Variants in STX8 observed in about 807,000 individuals in gnomAD.
The protein encoded by STX8 is syntaxin-8.
Under a neutral mutation model 37.5 loss-of-function variants are expected in STX8, and 23 were observed. The ratio of observed to expected loss-of-function variants is 0.61; its 90% CI spans 0.44 to 0.87. The LOEUF (loss-of-function observed/expected upper bound fraction) is 0.87, where lower values mean the gene tolerates loss of function less well. Among genes scored for constraint, STX8 ranks in the 40% least tolerant of loss-of-function variants. STX8 has a pLI of 0.00. For synonymous variants in STX8, 115 were observed against 99.1 expected (o/e 1.16, Z -0.95); for missense variants, 313 against 284.7 (o/e 1.10, Z -0.71).
At chr17:9,491,992 G>C in intron 5 of STX8, 71 bp from the exon 6 acceptor site, 1 of 1,032,714 alleles carries the variant, frequency 9.7e-7, no homozygotes, top group Non-Finnish European at 1.4e-6. Flanking sequence ...AGTATACCCA[G>C]GCATATAACA....
chr17:9,361,124 G>A (rs1441344072), intron 7 of STX8, among the ~76,000 whole-genome samples: 1 of 152,102 alleles, frequency 6.6e-6, no homozygotes, highest in Non-Finnish European at 1.5e-5. Context: ...AAATAGAAAG[G>A]AAAGGTGAGC....
At chr17:9,327,223 A>AG (rs1909789879) in intron 7 of STX8, among the ~76,000 whole-genome samples, 1 of 146,236 alleles carries the variant, frequency 6.8e-6, no homozygotes, top group African/African-American at 2.6e-5. Context: ...AGAAGGAGGA[A>AG]GAAGGAGGAA....
intron 2 of STX8, among the ~76,000 whole-genome samples, chr17:9,567,539 T>A (rs771004092): frequency 6.6e-6 from 1 of 152,152 alleles, no homozygotes; most frequent in Admixed American, 6.5e-5. Context: ...ATGTGGAAAA[T>A]AAGGAAGAAA....
At chr17:9,361,599 A>C (rs12940148) in intron 7 of STX8, among the ~76,000 whole-genome samples, 43,305 of 152,182 alleles carry the variant, frequency 0.28, 6,671 homozygotes, top group Middle Eastern at 0.36. Context: ...TTAGTGCAGC[A>C]AGGTATTAAT....
At chr17:9,408,738 G>A (rs1912880486) in intron 6 of STX8, among the ~76,000 whole-genome samples, 1 of 152,102 alleles carries the variant, frequency 6.6e-6, no homozygotes, top group Non-Finnish European at 1.5e-5. Flanking sequence ...CAGAGAAAAT[G>A]GGGTAGACAA....
Position 9,258,130 on chromosome 17 carries a change from AGTTT to A in STX8, c.644-7489_644-7486del, listed in dbSNP as rs200870638. ...GACACTTCTTAGGGACAATTCCTAA[AGTTT>A]GTTTTATTTTTTTGGCAGTTGTGCC... On this transcript the variant is annotated intron_variant, in intron 7 of 7. Transcript: ENST00000306357. 6.1e-3 allele frequency among the ~76,000 whole-genome samples: 922 copies of A among 152,322 alleles called. 11 individuals are homozygous for A. Among genetic ancestry groups the A allele is most frequent in the African/African-American group, 0.02 (819 of 41,562 alleles).
rs776786232 is a variant in STX8, at chr17:9,378,587, C to T, written c.608G>A (p.Arg203Gln). ...TDEKLRNETRRVNMVDRKSAS... is the reference protein window; with the variant it reads ...TDEKLRNETRQVNMVDRKSAS... ...TGACTTTCTGTCCACCATGTTTACC[C>T]GCCTGGTTTCATTGCGAAGTTTTTC... Residue 203 changes from arginine to glutamine, a missense_variant, in exon 7 of 8, where the codon CGG becomes CAG. Physicochemically the swap from Arg to Gln is conservative, Grantham distance 43 (BLOSUM62 1). Transcript: ENST00000306357. The T allele has an allele frequency of 1.6e-5, 26 of 1,613,676 alleles. No homozygotes were observed. The East Asian group carries it at 3.6e-4, about 22-fold the overall frequency.
intron 4 of STX8, among the ~76,000 whole-genome samples, chr17:9,537,893 T>G (rs182356227): frequency 1.3e-5 from 2 of 152,370 alleles, no homozygotes; most frequent in Admixed American, 6.5e-5. Context: ...ACTGATTGTA[T>G]GATTCTTTAT....
chr17:9,460,201 A>G (rs1905318883), intron 6 of STX8, among the ~76,000 whole-genome samples: 1 of 152,170 alleles, frequency 6.6e-6, no homozygotes, highest in African/African-American at 2.4e-5. Context: ...GTTAAAAAAA[A>G]CTTTCATAGT....
intron 6 of STX8, among the ~76,000 whole-genome samples, chr17:9,425,029 G>A (rs1913575876): frequency 6.6e-6 from 1 of 152,170 alleles, no homozygotes; most frequent in African/African-American, 2.4e-5. Flanking sequence ...CATGAATGAG[G>A]CAGCACCTGT....
chr17:9,362,191 G>A (rs1911082435), intron 7 of STX8, among the ~76,000 whole-genome samples: 1 of 151,956 alleles, frequency 6.6e-6, no homozygotes, highest in Admixed American at 6.6e-5. Flanking sequence ...ATTAGCCGGG[G>A]TGTTGGCCCA....
chr17:9,456,267 G>T (rs1905186127), intron 6 of STX8, among the ~76,000 whole-genome samples: 1 of 152,274 alleles, frequency 6.6e-6, no homozygotes, highest in Non-Finnish European at 1.5e-5. Context: ...GTATTTGGGG[G>T]GTGGCAGATG....
chr17:9,300,448 C>G, intron 7 of STX8, among the ~76,000 whole-genome samples: 1 of 152,058 alleles, frequency 6.6e-6, no homozygotes, highest in East Asian at 1.9e-4. Flanking sequence ...CTCCCCTCCC[C>G]CTTTTATTTT....
chr17:9,280,193 G>A (rs943882265), intron 7 of STX8, among the ~76,000 whole-genome samples: 4 of 152,100 alleles, frequency 2.6e-5, no homozygotes, highest in South Asian at 2.1e-4. Flanking sequence ...GCACTCCAGC[G>A]TAGGAGACAC....
At chr17:9,553,089 GT>G (rs1402107397) in intron 3 of STX8, 1 of 152,148 alleles carries the variant, frequency 6.6e-6, no homozygotes, top group Non-Finnish European at 1.5e-5. Context: ...AAAAGGATAA[GT>G]TTCATGTGAA....
At chr17:9,359,899 G>A (rs11868840) in intron 7 of STX8, among the ~76,000 whole-genome samples, 5,697 of 151,994 alleles carry the variant, frequency 0.037, 353 homozygotes, top group African/African-American at 0.13. Flanking sequence ...CCTGTTTCCA[G>A]GCAGATAAGG....
intron 7 of STX8, among the ~76,000 whole-genome samples, chr17:9,334,825 G>A (rs867370740): frequency 2.6e-5 from 4 of 152,198 alleles, no homozygotes; most frequent in Middle Eastern, 3.4e-3. Flanking sequence ...CAGGAAAAGG[G>A]GGCTGAATTC....
intron 6 of STX8, among the ~76,000 whole-genome samples, chr17:9,399,737 G>A (rs958737833): frequency 6.6e-6 from 1 of 151,538 alleles, no homozygotes; most frequent in Non-Finnish European, 1.5e-5. Flanking sequence ...GTGGCGGTGC[G>A]TGCCTGTAAT....
chr17:9,411,361 A>C (rs1912972460), intron 6 of STX8, among the ~76,000 whole-genome samples: 1 of 152,222 alleles, frequency 6.6e-6, no homozygotes, highest in Non-Finnish European at 1.5e-5. Flanking sequence ...AGCACCTTGC[A>C]AAGTGTCTTA....
Sources: allele counts gnomAD v4.1 joint callset (sites outside exome capture counted in the v4.1 genomes callset), GRCh38; gene constraint gnomAD v4.1.1; transcripts MANE v1.5; gene names NCBI Gene and HGNC (gene_info 2026-07-23, HGNC 2026-07-21).